SLC6A5: variants seen among roughly 807,000 people sequenced by gnomAD.
SLC6A5 encodes the protein solute carrier family 6 member 5, also known as sodium- and chloride-dependent glycine transporter 2.
In SLC6A5, 58 loss-of-function variants were observed where a neutral mutation model predicts 90.5. The observed-to-expected ratio is 0.64, with a 90% CI of 0.52 to 0.80. SLC6A5 has a LOEUF of 0.80. SLC6A5 is among the 30% of genes least tolerant of loss of function. The pLI is 0.00. For synonymous variants in SLC6A5, 427 were observed against 401.4 expected (o/e 1.06, Z -0.76); for missense variants, 1,015 against 1,017.6 (o/e 1.00, Z 0.03).
Position 20,638,506 on chromosome 11 carries a change from T to C in SLC6A5, c.1917T>C (p.Tyr639=). 1.2e-6 allele frequency: 2 copies of C among 1,613,678 alleles called. No individual in the cohort carries two copies. The highest frequency in any genetic ancestry group is 1.3e-5 in the African/African-American group (1 of 75,044). Residue 639 remains tyrosine (Y), a synonymous_variant, in exon 13 of 16, where the codon TAT becomes TAC. Transcript: ENST00000525748. ...FQLVDTYAAS[Y]ALVIIAIFEL... ...TTGTGGACACCTATGCTGCCTCCTATGCCCTTGTCATCATTGCCATTTTTG... is the reference window on the plus strand; with the variant it reads ...TTGTGGACACCTATGCTGCCTCCTACGCCCTTGTCATCATTGCCATTTTTG...
In SLC6A5 at chr11:20,657,823, GTGT is replaced by G. The variant is rs1326412869; in HGVS notation, c.*2959_*2961del. 1.3e-5 allele frequency: 2 copies of G among 152,170 alleles called. No homozygotes were observed. The highest frequency in any genetic ancestry group is 2.4e-5 in the African/African-American group (1 of 41,430). The allele number at this position is 152,170 out of a possible 1,614,324, so 9.4% of individuals were successfully genotyped here. The stretch of plus-strand genomic sequence containing the variant: ...AAAAATGTATATTTCTTAACAAGTG[GTGT>G]TGTGACTTCTTATGCAAATGTCTTG... On this transcript the variant is annotated 3_prime_UTR_variant, in exon 16 of 16. Transcript: ENST00000525748.
intron 10 of SLC6A5, among the ~76,000 whole-genome samples, chr11:20,635,834 G>A (rs1853194420): frequency 6.6e-6 from 1 of 152,066 alleles, no homozygotes; most frequent in Non-Finnish European, 1.5e-5. Flanking sequence ...CCCACTAGAT[G>A]CCAGTAGTTA....
rs1350004487 is a variant in SLC6A5 at position 20,601,401 on chromosome 11, A to T, written c.276A>T (p.Ala92=). 6.2e-7 allele frequency: 1 copy of T among 1,605,222 alleles called. No homozygotes were observed. The change falls in exon 2 of 16, where the codon GCA becomes GCT. Residue 92 remains alanine, a synonymous_variant. Coordinates refer to ENST00000525748, the MANE Select transcript of SLC6A5 (RefSeq NM_004211.5). ...LSSPRAQAAS[A]ALRDLREAQG... ...GCCCGCGGGCGCAGGCGGCCTCTGC[A>T]GCTCTGCGGGACTTGAGAGAGGCGC...
At chr11:20,654,555 G>C (rs557796226) in intron 15 of SLC6A5, among the ~76,000 whole-genome samples, 158 bp from the exon 16 acceptor site, 2 of 137,616 alleles carry the variant, frequency 1.5e-5, no homozygotes, top group African/African-American at 3.6e-5. Context: ...ATTAATGAAC[G>C]CTTATCTTCC....
chr11:20,633,752 G>A (rs933540815), intron 10 of SLC6A5, among the ~76,000 whole-genome samples: 4 of 152,222 alleles, frequency 2.6e-5, no homozygotes, highest in South Asian at 4.1e-4. Context: ...TAATTCTCAC[G>A]GAAGCTCTAT....
chr11:20,611,249 G>A (rs1007365497), intron 5 of SLC6A5, among the ~76,000 whole-genome samples: 12 of 152,184 alleles, frequency 7.9e-5, no homozygotes, highest in African/African-American at 2.2e-4. Flanking sequence ...GAGGCCAGGA[G>A]TTGGAGACCA....
intron 7 of SLC6A5, among the ~76,000 whole-genome samples, chr11:20,624,135 G>GTT (rs1477428255): frequency 6.7e-6 from 1 of 149,160 alleles, no homozygotes; most frequent in Non-Finnish European, 1.5e-5. Flanking sequence ...GACCCCAAGG[G>GTT]TTTTATATAT....
chr11:20,601,296 C>A lies in SLC6A5; in HGVS notation c.171C>A (p.Thr57=), dbSNP rs984766680. 3 of 1,590,388 alleles carry A rather than the reference C, an allele frequency of 1.9e-6. 1 individual carries two copies. The South Asian group carries it at 3.4e-5, about 18-fold the overall frequency. ...CACGTGTGCCCAGGTCCGCTTCCAC[C>A]GGCGCCCAAACTTTCCAGTCAGCGG... is the stretch of plus-strand genomic sequence containing the variant. ...PPPRVPRSAS[T]GAQTFQSADA... is the part of the protein sequence containing the mutation. The change falls in exon 2 of 16, where the codon ACC becomes ACA. Residue 57 remains threonine (T), a synonymous_variant. Transcript: ENST00000525748.
chr11:20,644,660 A>G (rs1853375590), intron 13 of SLC6A5, among the ~76,000 whole-genome samples: 1 of 152,196 alleles, frequency 6.6e-6, no homozygotes, highest in Non-Finnish European at 1.5e-5. Flanking sequence ...TAGTGACTGT[A>G]CTAATTTACA....
At position 20,630,635 on chromosome 11, in the gene SLC6A5, G is replaced by A. The variant is rs1392039856; in HGVS notation, c.1500-56G>A. On this transcript the variant is annotated intron_variant, in intron 9 of 15. Transcript: ENST00000525748. ...CACACATTTGTGTGTCCTTCCCCTT[G>A]TCCCTTTCCACTCACCAAGCACACC... The A allele has an allele frequency of 3.1e-6, 5 of 1,605,660 alleles. No individual in the cohort carries two copies. In the African/African-American group the frequency reaches 6.7e-5, roughly 21 times the overall value.
intron 7 of SLC6A5, among the ~76,000 whole-genome samples, chr11:20,624,599 C>T (rs7925072): frequency 0.88 from 133,425 of 152,142 alleles, 58,738 homozygotes; most frequent in East Asian, 1. Context: ...AGACAGCGTG[C>T]GGCAGGTGCC....
At chr11:20,600,883 C>A (rs979981079) in intron 1 of SLC6A5, among the ~76,000 whole-genome samples, 1 of 152,136 alleles carries the variant, frequency 6.6e-6, no homozygotes, top group Non-Finnish European at 1.5e-5. Flanking sequence ...ACATTTCTAC[C>A]TCTTTTCTTA....
chr11:20,648,733 G>T (rs1853469822), intron 14 of SLC6A5, among the ~76,000 whole-genome samples: 1 of 152,066 alleles, frequency 6.6e-6, no homozygotes, highest in South Asian at 2.1e-4. Context: ...ATTTCCTCTT[G>T]CTTTTCTTCC....
chr11:20,626,923 C>G (rs1853008375), intron 8 of SLC6A5, 81 bp downstream of exon 8: 7 of 1,130,842 alleles, frequency 6.2e-6, no homozygotes, highest in Non-Finnish European at 9.4e-6. Context: ...TAGACTTCCT[C>G]CTCCAGGGAA....
chr11:20,614,954 G>T, intron 6 of SLC6A5, 134 bp downstream of exon 6: 1 of 829,368 alleles, frequency 1.2e-6, no homozygotes, highest in East Asian at 2.5e-5. Context: ...CCCTGGTTTG[G>T]CTTCCAAGAG....
intron 10 of SLC6A5, among the ~76,000 whole-genome samples, chr11:20,631,909 G>A (rs1220136949): frequency 2.6e-5 from 4 of 152,146 alleles, no homozygotes; most frequent in Non-Finnish European, 4.4e-5. Context: ...ATTCATTACT[G>A]CGCCAATTCA....
chr11:20,650,655 CTTTTTTTTTTTTT>C (rs55849528), intron 14 of SLC6A5, among the ~76,000 whole-genome samples: 13 of 79,840 alleles, frequency 1.6e-4, no homozygotes, highest in African/African-American at 2.5e-4. Flanking sequence ...GACGCCTGTT[CTTTTTTTTTTTTT>C]TTTTTTTTTT....
At chr11:20,650,033 A>G (rs757428757) in intron 14 of SLC6A5, among the ~76,000 whole-genome samples, 7 of 152,240 alleles carry the variant, frequency 4.6e-5, no homozygotes, top group Admixed American at 1.3e-4. Flanking sequence ...GCAGTAATAC[A>G]GATGCCTTAC....
chr11:20,646,985 T>C (rs747133297), intron 14 of SLC6A5, 51 bp downstream of exon 14: 12 of 1,187,196 alleles, frequency 1.0e-5, no homozygotes, highest in Non-Finnish European at 1.5e-5. Context: ...CATACGTATG[T>C]GGTGTTTTAC....
Sources: gnomAD v4.1 joint callset for allele counts (sites outside exome capture counted in the v4.1 genomes callset) on GRCh38, gnomAD v4.1.1 for gene constraint, MANE v1.5 for transcripts, NCBI Gene and HGNC (gene_info 2026-07-23, HGNC 2026-07-21) for gene names.